The following KCNT2 variants were observed in gnomAD, a reference collection of about 807,000 sequenced individuals.
The protein encoded by KCNT2 is potassium channel subfamily T member 2.
KCNT2 carries 67 observed loss-of-function variants against 153.8 expected under a neutral mutation model. The observed-to-expected ratio is 0.44, with a 90% CI of 0.36 to 0.53. KCNT2 has a LOEUF of 0.53. Ranked by LOEUF, KCNT2 falls within the 20% of genes least tolerant of loss-of-function variation. The probability of loss-of-function intolerance (pLI) is 0.00; values close to 1 mark genes in which losing one functional copy is unlikely to be tolerated. For synonymous variants in KCNT2, 500 were observed against 458.8 expected, an observed-to-expected ratio of 1.09 and a Z score of -1.15; for missense variants, 975 against 1,354.8, an observed-to-expected ratio of 0.72 and a Z score of 4.40.
At chr1:196,272,659 G>A (rs987972175) in intron 25 of KCNT2, among the ~76,000 whole-genome samples, 3 of 151,814 alleles carry the variant, frequency 2.0e-5, no homozygotes, top group African/African-American at 7.2e-5. Context: ...AGCGATTAAC[G>A]CCCCAAGGTG....
intron 26 of KCNT2, among the ~76,000 whole-genome samples, chr1:196,244,743 A>G (rs1413736703): frequency 1.3e-5 from 2 of 152,174 alleles, no homozygotes; most frequent in Non-Finnish European, 2.9e-5. Context: ...CCTGAATGGC[A>G]TCTCTGGACT....
At chr1:196,403,040 A>G (rs1231005183) in intron 12 of KCNT2, among the ~76,000 whole-genome samples, 1 of 151,698 alleles carries the variant, frequency 6.6e-6, no homozygotes, top group Non-Finnish European at 1.5e-5. Flanking sequence ...ACCCTAACCA[A>G]ATAATCCAGC....
intron 13 of KCNT2, among the ~76,000 whole-genome samples, chr1:196,381,930 G>T (rs1669527297): frequency 1.3e-5 from 2 of 152,002 alleles, no homozygotes; most frequent in Admixed American, 6.6e-5. Flanking sequence ...AAAATATTTT[G>T]GAAGATTTCT....
At chr1:196,365,415 T>A (rs1558199240) in intron 14 of KCNT2, among the ~76,000 whole-genome samples, 1 of 152,188 alleles carries the variant, frequency 6.6e-6, no homozygotes, top group Non-Finnish European at 1.5e-5. Context: ...AAATCTTCTA[T>A]GACTGAATAA....
chr1:196,273,597 C>G, intron 25 of KCNT2: 2 of 707,312 alleles, frequency 2.8e-6, no homozygotes, highest in South Asian at 1.9e-5. Flanking sequence ...AACATATACC[C>G]ACATAACAAA....
chr1:196,239,745 T>C (rs986722197), intron 26 of KCNT2, among the ~76,000 whole-genome samples: 2 of 152,188 alleles, frequency 1.3e-5, no homozygotes, highest in Admixed American at 6.6e-5. Flanking sequence ...ATAGACTGAA[T>C]TGTGTGTTCC....
intron 8 of KCNT2, among the ~76,000 whole-genome samples, chr1:196,438,444 A>G (rs551415562): frequency 1.3e-5 from 2 of 151,910 alleles, no homozygotes; most frequent in East Asian, 1.9e-4. Flanking sequence ...GCAAGTCCCA[A>G]GGGTTATGGA....
intron 1 of KCNT2, among the ~76,000 whole-genome samples, chr1:196,519,862 G>C (rs1653115096): frequency 6.6e-6 from 1 of 152,066 alleles, no homozygotes; most frequent in Admixed American, 6.6e-5. Flanking sequence ...AATTCTACCA[G>C]ATGTACAAGG....
At chr1:196,373,622 A>C (rs757342529) in intron 13 of KCNT2, among the ~76,000 whole-genome samples, 11 of 151,842 alleles carry the variant, frequency 7.2e-5, no homozygotes, top group Non-Finnish European at 1.5e-4. Flanking sequence ...TTTTGTTCTG[A>C]TAATTCTATA....
chr1:196,241,877 T>C (rs1206137009), intron 26 of KCNT2, among the ~76,000 whole-genome samples: 1 of 152,134 alleles, frequency 6.6e-6, no homozygotes, highest in Non-Finnish European at 1.5e-5. Flanking sequence ...AGATTTTCTT[T>C]TAAAAACCTA....
intron 1 of KCNT2, among the ~76,000 whole-genome samples, chr1:196,526,222 A>G (rs1319686132): frequency 6.6e-6 from 1 of 151,950 alleles, no homozygotes; most frequent in Non-Finnish European, 1.5e-5. Flanking sequence ...ATTACATAAA[A>G]AATGTTCATG....
At chr1:196,291,741 T>C (rs1253919378) in intron 22 of KCNT2, among the ~76,000 whole-genome samples, 1 of 152,200 alleles carries the variant, frequency 6.6e-6, no homozygotes, top group East Asian at 1.9e-4. Flanking sequence ...AGTTCCATCA[T>C]TTAACATTTA....
At chr1:196,474,495 T>G (rs1006275586) in intron 5 of KCNT2, among the ~76,000 whole-genome samples, 1 of 152,198 alleles carries the variant, frequency 6.6e-6, no homozygotes, top group Non-Finnish European at 1.5e-5. Flanking sequence ...CAACAGTATC[T>G]GGTATTCAGG....
At chr1:196,541,079 A>AAATG (rs1656294617) in intron 1 of KCNT2, among the ~76,000 whole-genome samples, 1 of 151,168 alleles carries the variant, frequency 6.6e-6, no homozygotes, top group African/African-American at 2.4e-5. Flanking sequence ...ATAAATAAAT[A>AAATG]AATAAATATA....
At chr1:196,423,836 T>A (rs1673419153) in intron 11 of KCNT2, among the ~76,000 whole-genome samples, 1 of 151,868 alleles carries the variant, frequency 6.6e-6, no homozygotes, top group African/African-American at 2.4e-5. Flanking sequence ...GTTATTAAGA[T>A]AATATGAGTG....
intron 14 of KCNT2, among the ~76,000 whole-genome samples, chr1:196,359,384 A>T (rs1044211701): frequency 1.3e-5 from 2 of 152,036 alleles, no homozygotes; most frequent in Non-Finnish European, 2.9e-5. Context: ...CTTATAATTT[A>T]TTAAAAATTT....
rs1018748113 is a variant in KCNT2 at position 196,228,156 on chromosome 1, G to T, written c.*68C>A. The T allele has an allele frequency of 2.0e-5, 16 of 811,974 alleles. No individual in the cohort carries two copies. The highest frequency in any genetic ancestry group is 2.9e-5 in the Non-Finnish European group (14 of 479,356). 50.3% of individuals were successfully genotyped at this position (811,974 alleles called of 1,614,324 possible). A position where few individuals can be genotyped will look rare whatever the true frequency, so the allele number is the denominator to read the frequency against. Reference sequence around the variant, plus strand: ...CATATATTTCCATCTAGTTTCTTTCGTGCCAGCAAAACTTTTGTGGTTTCA... The same window carrying T: ...CATATATTTCCATCTAGTTTCTTTCTTGCCAGCAAAACTTTTGTGGTTTCA... On this transcript the variant is annotated 3_prime_UTR_variant, in exon 28 of 28. Transcript: ENST00000294725.
At chr1:196,341,134 C>T (rs1427469127) in intron 15 of KCNT2, among the ~76,000 whole-genome samples, 1 of 151,668 alleles carries the variant, frequency 6.6e-6, no homozygotes, top group African/African-American at 2.4e-5. Flanking sequence ...TCCTGATAAA[C>T]CCAGCATAAG....
At chr1:196,461,852 G>T (rs1407302477) in intron 8 of KCNT2, among the ~76,000 whole-genome samples, 2 of 151,702 alleles carry the variant, frequency 1.3e-5, no homozygotes, top group Non-Finnish European at 3.0e-5. Flanking sequence ...CACTAAACAT[G>T]TGTCTCTTGC....
Sources: gnomAD v4.1 joint callset for allele counts (sites outside exome capture counted in the v4.1 genomes callset) on GRCh38, gnomAD v4.1.1 for gene constraint, MANE v1.5 for transcripts, NCBI Gene and HGNC (gene_info 2026-07-23, HGNC 2026-07-21) for gene names.